NAV1: variants seen among roughly 807,000 people sequenced by gnomAD.
NAV1 encodes pore membrane and/or filament interacting like protein 3.
A neutral mutation model predicts 175.2 loss-of-function variants in NAV1; 18 were observed. The observed-to-expected ratio is 0.10, with a 90% CI of 0.07 to 0.15. The LOEUF is 0.15. Among genes scored for constraint, NAV1 ranks in the 10% least tolerant of loss-of-function variants. The pLI is 1.00. For missense variants in NAV1, 1,731 were observed against 2,436.6 expected, an observed-to-expected ratio of 0.71 and a Z score of 6.10; for synonymous variants, 897 against 978.7, an observed-to-expected ratio of 0.92 and a Z score of 1.56.
In NAV1 at chr1:201,736,836, TG is replaced by T. The variant is rs371776484; in HGVS notation, c.1226+18084del. Among the ~76,000 whole-genome samples, 55 of 152,272 alleles carry T rather than the reference TG, an allele frequency of 3.6e-4. 1 individual carries two copies. Among genetic ancestry groups the T allele is most frequent in the African/African-American group, 1.3e-3 (55 of 41,546 alleles). ...CCTTTTTCCTCTCTCCCTCTTTGGC[TG>T]GGTTTTCTTTCTGGACAAGTGCCTG... On this transcript the variant is annotated intron_variant, in intron 3 of 29. Coordinates refer to ENST00000367296, the Ensembl canonical transcript of NAV1.
At chr1:201,786,805 A>G (rs12048682) in intron 9 of NAV1, among the ~76,000 whole-genome samples, 4,814 of 152,282 alleles carry the variant, frequency 0.032, 126 homozygotes, top group South Asian at 0.1. Context: ...TCCTTTTAGC[A>G]TCAGAGAGCC....
rs372535428 is a variant in NAV1, at chr1:201,803,690, G to A, written c.3615G>A (p.Ala1205=). The change falls in exon 16 of 30, where the codon GCG becomes GCA. Residue 1205 remains alanine, a synonymous_variant. Transcript: ENST00000367296. The stretch of plus-strand genomic sequence containing the variant: ...TCGGCAGCAGCAAGGATGCTGATGC[G>A]AAAAAGAAGAAAAAAAAGAGTTGGG... The A allele has an allele frequency of 1.1e-5, 18 of 1,605,978 alleles. No homozygotes were observed. In the Admixed American group the frequency reaches 1.2e-4, roughly 11 times the overall value.
chr1:201,747,833 T>A (rs1182445007), intron 3 of NAV1, among the ~76,000 whole-genome samples: 1 of 152,256 alleles, frequency 6.6e-6, no homozygotes, highest in African/African-American at 2.4e-5. Flanking sequence ...AAATTCTAGA[T>A]AAACATCCTT....
intron 3 of NAV1, among the ~76,000 whole-genome samples, chr1:201,757,266 C>CT (rs1248248101): frequency 1.3e-5 from 2 of 151,858 alleles, no homozygotes; most frequent in South Asian, 2.1e-4. Flanking sequence ...TTTTCTTTTT[C>CT]TTTTTTCTTT....
rs1470948743 is a variant in NAV1, at chr1:201,807,050, A to ATG, written c.3649-892_3649-891dup. Among the ~76,000 whole-genome samples the ATG allele has an allele frequency of 1.1e-4, 17 of 149,088 alleles. No individual in the cohort carries two copies. The highest frequency in any genetic ancestry group is 1.1e-3 in the Admixed American group (16 of 15,004). ...TCTGTGTCCCTGTGTGTGTGTGTGT[A>ATG]TGTGTGTGTGTGGTGTGTGGTGTGT... On this transcript the variant is annotated intron_variant, in intron 17 of 29. Coordinates refer to ENST00000367296, the Ensembl canonical transcript of NAV1. This position sits in a 1 kb window ranked among gnomAD's most constrained non-coding sequence, Gnocchi z 5.4.
intron 3 of NAV1, among the ~76,000 whole-genome samples, chr1:201,751,755 C>T (rs1305972458): frequency 6.6e-6 from 1 of 152,178 alleles, no homozygotes; most frequent in Non-Finnish European, 1.5e-5. Context: ...GTTATTCTTT[C>T]CTCCATTCAT....
chr1:201,550,003 T>A (rs1571815592), intron 1 of NAV1, among the ~76,000 whole-genome samples: 2 of 76,846 alleles, frequency 2.6e-5, no homozygotes, highest in African/African-American at 5.4e-5. Context: ...AGAGCGAGAC[T>A]CCATCTCAAA....
At chr1:201,606,135 G>A (rs1339598264) in intron 2 of NAV1, among the ~76,000 whole-genome samples, 2 of 152,182 alleles carry the variant, frequency 1.3e-5, no homozygotes, top group African/African-American at 2.4e-5. Context: ...GTCAGGTGAT[G>A]TCTTAGAAAG....
intron 3 of NAV1, among the ~76,000 whole-genome samples, chr1:201,732,977 A>G (rs1490683433): frequency 6.6e-6 from 1 of 152,084 alleles, no homozygotes; most frequent in African/African-American, 2.4e-5. Flanking sequence ...AGGCTGAGAC[A>G]TAAGAATTGC....
chr1:201,808,050 C>T lies in NAV1; in HGVS notation c.3746C>T (p.Ser1249Leu). 1 of 1,614,202 alleles carries T rather than the reference C, an allele frequency of 6.2e-7. No homozygotes were observed. The highest frequency in any genetic ancestry group is 8.5e-7 in the Non-Finnish European group (1 of 1,180,036). The change falls in exon 18 of 30, where the codon TCA (serine) becomes TTA (leucine). Residue 1249 changes from serine to leucine, a missense_variant. Transcript: ENST00000367296. The surrounding 1 kb of genome is among the most constrained non-coding windows in gnomAD (Gnocchi z 5.5). ...GAGGAGATTGCTACACCCGACTCTT[C>T]AGCCCCCTCATCCCCCAAACTACAG...
At chr1:201,707,284 G>C (rs186157697) in intron 1 of NAV1, among the ~76,000 whole-genome samples, 1 of 152,164 alleles carries the variant, frequency 6.6e-6, no homozygotes, top group African/African-American at 2.4e-5. Context: ...GTGCCAGCCC[G>C]AGGGTGCACC....
chr1:201,676,007 T>C (rs893772198), intron 1 of NAV1, among the ~76,000 whole-genome samples: 8 of 152,244 alleles, frequency 5.3e-5, no homozygotes. Context: ...AAGAGAGTCT[T>C]GCCCCCTCTC....
intron 3 of NAV1, among the ~76,000 whole-genome samples, chr1:201,756,805 T>C (rs1181070048): frequency 3.5e-5 from 1 of 28,850 alleles, no homozygotes; most frequent in African/African-American, 1.4e-4. Context: ...TCTTTCTTTC[T>C]TTCCTTCTTT....
exon 1 of NAV1, chr1:201,648,678 A>G: frequency 7.1e-7 from 1 of 1,415,886 alleles, no homozygotes; most frequent in Non-Finnish European, 9.2e-7. Context: ...AATGCTGGGC[A>G]GCAGCGTCAA....
At chr1:201,596,302 G>A (rs148985480) in intron 2 of NAV1, among the ~76,000 whole-genome samples, 6 of 152,326 alleles carry the variant, frequency 3.9e-5, no homozygotes, top group African/African-American at 1.4e-4. Flanking sequence ...GCACCTTCGT[G>A]TATCTCTCAT....
At chr1:201,585,139 C>T (rs1380735609) in intron 1 of NAV1, among the ~76,000 whole-genome samples, 2 of 152,210 alleles carry the variant, frequency 1.3e-5, no homozygotes, top group African/African-American at 4.8e-5. Context: ...TCATTGGGCC[C>T]TCATCCCTGA....
At position 201,636,754 on chromosome 1, in the gene NAV1, G is replaced by A. The variant is rs551170154; in HGVS notation, c.4+7247G>A. On this transcript the variant is annotated intron_variant, in intron 2 of 29. Coordinates refer to the NAV1 transcript ENST00000367302. ...GATAAATAAGAGAACTTCCTGGCAG[G>A]AGGAAAGCTCAGCCCCAGTGGAAGT... Among the ~76,000 whole-genome samples, 7 of 152,280 alleles carry A rather than the reference G, an allele frequency of 4.6e-5. 1 individual carries two copies. The East Asian group carries it at 9.7e-4, about 21-fold the overall frequency.
At chr1:201,814,901 T>A (rs1172928570) in intron 28 of NAV1, among the ~76,000 whole-genome samples, 1 of 151,332 alleles carries the variant, frequency 6.6e-6, no homozygotes, top group African/African-American at 2.4e-5. Flanking sequence ...TAGCTAGATG[T>A]GGTGGTGGGC....
intron 2 of NAV1, among the ~76,000 whole-genome samples, chr1:201,600,781 G>A (rs1667490958): frequency 6.6e-6 from 1 of 152,144 alleles, no homozygotes; most frequent in Non-Finnish European, 1.5e-5. Flanking sequence ...GGACTCTCCT[G>A]AGCCGAAAAG....
Sources: allele counts gnomAD v4.1 joint callset (sites outside exome capture counted in the v4.1 genomes callset), GRCh38; gene constraint gnomAD v4.1.1; non-coding constraint Gnocchi (gnomAD v3.1); transcripts MANE v1.5; gene names NCBI Gene and HGNC (gene_info 2026-07-23, HGNC 2026-07-21).